CNTN5: variants seen among roughly 807,000 people sequenced by gnomAD.
CNTN5 encodes the protein contactin-5.
Under a neutral mutation model 129.1 loss-of-function variants are expected in CNTN5, and 77 were observed. The observed-to-expected ratio is 0.60, with a 90% CI of 0.50 to 0.72. The LOEUF is 0.72. CNTN5 is among the 30% of genes least tolerant of loss of function. CNTN5 has a pLI of 0.00. For missense variants in CNTN5, 1,478 were observed against 1,328.8 expected, an observed-to-expected ratio of 1.11 and a Z score of -1.75; for synonymous variants, 509 against 465.6, an observed-to-expected ratio of 1.09 and a Z score of -1.20.
In CNTN5 at chr11:99,177,524, GT is replaced by G. The variant is rs1857834843; in HGVS notation, c.-209-147819del. Among the ~76,000 whole-genome samples, 3 of 152,262 alleles carry G rather than the reference GT, an allele frequency of 2.0e-5. No homozygotes were observed. The South Asian group carries it at 6.2e-4, about 32-fold the overall frequency. ...GTTTTCATGAAAATCACTTTTATGTGTTTCTCTTCAAGTAAGGGTTTTGTTC... is the reference window on the plus strand; with the variant it reads ...GTTTTCATGAAAATCACTTTTATGTGTTCTCTTCAAGTAAGGGTTTTGTTC... On this transcript the variant is annotated intron_variant, in intron 1 of 24. Transcript: ENST00000524871.
chr11:99,294,544 C>T (rs570276176), intron 1 of CNTN5, among the ~76,000 whole-genome samples: 32 of 152,174 alleles, frequency 2.1e-4, no homozygotes, highest in Middle Eastern at 3.4e-3. Context: ...GGAAAGATAT[C>T]CCATGTTCAT....
chr11:100,054,874 C>A (rs117609812), intron 9 of CNTN5, among the ~76,000 whole-genome samples: 1 of 151,512 alleles, frequency 6.6e-6, no homozygotes, highest in South Asian at 2.1e-4. Flanking sequence ...TCTACACAGT[C>A]GTTTAGAAAC....
intron 3 of CNTN5, among the ~76,000 whole-genome samples, chr11:99,642,325 C>A (rs76237048): frequency 6.6e-6 from 1 of 152,216 alleles, no homozygotes; most frequent in South Asian, 2.1e-4. Context: ...AGTAAAAAAC[C>A]TCCCTGTTTT....
chr11:100,083,544 C>A (rs185889010), intron 13 of CNTN5, among the ~76,000 whole-genome samples: 2 of 152,146 alleles, frequency 1.3e-5, no homozygotes, highest in Admixed American at 6.5e-5. Context: ...CCGTACTATC[C>A]ATATTTCTAA....
chr11:99,185,811 A>AACCCATCAAAATT (rs1565386159), intron 1 of CNTN5, among the ~76,000 whole-genome samples: 1 of 150,468 alleles, frequency 6.6e-6, no homozygotes, highest in Non-Finnish European at 1.5e-5. Flanking sequence ...CCATCAAAAT[A>AACCCATCAAAATT]ACCCATCAAA....
chr11:99,613,400 AG>A (rs1174140280), intron 3 of CNTN5, among the ~76,000 whole-genome samples: 2 of 152,060 alleles, frequency 1.3e-5, no homozygotes, highest in Non-Finnish European at 2.9e-5. Flanking sequence ...CATGTTTGTG[AG>A]TTTTTCTGAG....
intron 3 of CNTN5, among the ~76,000 whole-genome samples, chr11:99,786,183 A>G (rs2845947): frequency 0.27 from 41,389 of 151,994 alleles, 5,930 homozygotes; most frequent in Non-Finnish European, 0.33. Flanking sequence ...CAATGTGCAA[A>G]AATCAAAAGA....
rs541081494 is a variant in CNTN5 at position 99,243,549 on chromosome 11, G to T, written c.-209-81797G>T. 2.0e-5 allele frequency among the ~76,000 whole-genome samples: 3 copies of T among 152,048 alleles called. No homozygotes were observed. The East Asian group carries it at 5.8e-4, about 29-fold the overall frequency. On this transcript the variant is annotated intron_variant, in intron 1 of 24. Transcript: ENST00000524871. ...AATTGTTTTCCAAGGCTGATGTTCAGAATGGCATTTCCTAAGATTTTCTTC... is the reference window on the plus strand; with the variant it reads ...AATTGTTTTCCAAGGCTGATGTTCATAATGGCATTTCCTAAGATTTTCTTC...
chr11:100,118,283 G>A (rs1031154129), intron 13 of CNTN5, among the ~76,000 whole-genome samples: 4 of 151,764 alleles, frequency 2.6e-5, no homozygotes, highest in African/African-American at 9.7e-5. Flanking sequence ...TTTGGACTAG[G>A]CTGTTGCTCA....
intron 9 of CNTN5, among the ~76,000 whole-genome samples, chr11:100,033,575 A>G (rs1941831049): frequency 6.6e-6 from 1 of 152,142 alleles, no homozygotes; most frequent in African/African-American, 2.4e-5. Flanking sequence ...TCCATCGCTT[A>G]TTCTCTCCAA....
intron 7 of CNTN5, among the ~76,000 whole-genome samples, chr11:99,933,704 A>G (rs1295707870): frequency 6.6e-6 from 1 of 152,232 alleles, no homozygotes; most frequent in African/African-American, 2.4e-5. Flanking sequence ...GCAATATATT[A>G]GGTTGGTGCA....
chr11:99,883,539 C>T (rs745359239), intron 6 of CNTN5, among the ~76,000 whole-genome samples: 1 of 152,208 alleles, frequency 6.6e-6, no homozygotes, highest in Non-Finnish European at 1.5e-5. Context: ...ATGGGCCTGG[C>T]TTCCTTGTTA....
intron 1 of CNTN5, among the ~76,000 whole-genome samples, chr11:99,101,583 G>T (rs753261527): frequency 6.6e-6 from 1 of 152,164 alleles, no homozygotes; most frequent in Non-Finnish European, 1.5e-5. Flanking sequence ...GGGGCTACAG[G>T]CCCTATGCCA....
At chr11:99,270,348 G>A (rs1863115190) in intron 1 of CNTN5, among the ~76,000 whole-genome samples, 1 of 151,616 alleles carries the variant, frequency 6.6e-6, no homozygotes. Context: ...TTCTAAATAA[G>A]CAAAACATCC....
intron 8 of CNTN5, among the ~76,000 whole-genome samples, chr11:99,967,227 C>T (rs1479562315): frequency 6.6e-6 from 1 of 152,124 alleles, no homozygotes; most frequent in Non-Finnish European, 1.5e-5. Context: ...CCATGAAATG[C>T]TTTGTTGACC....
chr11:99,435,314 G>GT (rs1451206353), intron 2 of CNTN5, among the ~76,000 whole-genome samples: 1 of 152,136 alleles, frequency 6.6e-6, no homozygotes, highest in Non-Finnish European at 1.5e-5. Context: ...TTTAAAAACA[G>GT]TTTATTTCTT....
At chr11:99,705,131 A>G (rs756806403) in intron 3 of CNTN5, among the ~76,000 whole-genome samples, 1 of 151,418 alleles carries the variant, frequency 6.6e-6, no homozygotes, top group Admixed American at 6.6e-5. Flanking sequence ...CCAGAAGTGT[A>G]TACGAATCTC....
At chr11:100,354,918 G>A (rs1357505157) in intron 24 of CNTN5, among the ~76,000 whole-genome samples, 5 of 151,684 alleles carry the variant, frequency 3.3e-5, no homozygotes, top group Non-Finnish European at 7.4e-5. Context: ...AACAGAGCTT[G>A]CAGGGCTGGA....
At chr11:99,668,367 G>C (rs186068048) in intron 3 of CNTN5, among the ~76,000 whole-genome samples, 53 of 152,236 alleles carry the variant, frequency 3.5e-4, no homozygotes, top group Non-Finnish European at 6.6e-4. Context: ...GAGGGACTCA[G>C]TGGATGTCAG....
Sources: gnomAD v4.1 joint callset for allele counts (sites outside exome capture counted in the v4.1 genomes callset) on GRCh38, gnomAD v4.1.1 for gene constraint, MANE v1.5 for transcripts, NCBI Gene and HGNC (gene_info 2026-07-23, HGNC 2026-07-21) for gene names.